IL1R1: variants seen among roughly 807,000 people sequenced by gnomAD.
IL1R1 encodes interleukin-1 receptor type 1.
IL1R1 carries 22 observed loss-of-function variants against 50.2 expected under a neutral mutation model. The observed-to-expected ratio is 0.44, with a 90% CI of 0.31 to 0.63. The LOEUF is 0.63. Among genes scored for constraint, IL1R1 ranks in the 20% least tolerant of loss-of-function variants. The pLI, the probability that IL1R1 is intolerant of heterozygous loss-of-function variation, is 0.07. For missense variants in IL1R1, 509 were observed against 676.2 expected (o/e 0.75, Z 2.74); for synonymous variants, 251 against 236.7 (o/e 1.06, Z -0.55).
chr2:102,101,446 G>A (rs113148344), upstream of IL1R1, among the ~76,000 whole-genome samples: 40 of 152,274 alleles, frequency 2.6e-4, no homozygotes, highest in African/African-American at 9.6e-4. Flanking sequence ...AGCATGTTGA[G>A]GGGGAGCCAA....
At chr2:102,099,580 C>T (rs552727668), upstream of IL1R1, among the ~76,000 whole-genome samples, 12 of 152,190 alleles carry the variant, frequency 7.9e-5, no homozygotes, top group East Asian at 1.5e-3. Flanking sequence ...TGGTCTTCTT[C>T]GGCCATGAAC....
chr2:102,078,835 A>T (rs1679089475), intron 1 of IL1R1, among the ~76,000 whole-genome samples: 1 of 152,162 alleles, frequency 6.6e-6, no homozygotes, highest in African/African-American at 2.4e-5. Flanking sequence ...CAGACATACA[A>T]ATCCTCAGCA....
intron 1 of IL1R1, among the ~76,000 whole-genome samples, chr2:102,131,327 A>G (rs1331627858): frequency 3.9e-5 from 6 of 152,220 alleles, no homozygotes; most frequent in Admixed American, 6.5e-5. Flanking sequence ...AAAATCCACA[A>G]TGTTTGGCAT....
At chr2:102,138,911 G>A (rs1309147893), upstream of IL1R1, among the ~76,000 whole-genome samples, 16 of 152,112 alleles carry the variant, frequency 1.1e-4, no homozygotes, top group Non-Finnish European at 4.4e-5. Context: ...CTAGACTTAG[G>A]AATTCTCATT....
chr2:102,116,923 A>G (rs1344483164), intron 1 of IL1R1, among the ~76,000 whole-genome samples: 1 of 152,176 alleles, frequency 6.6e-6, no homozygotes, highest in Admixed American at 6.5e-5. Context: ...ATGTTCATTC[A>G]TTATTCCATT....
rs965790128 is a variant in IL1R1, at chr2:102,150,349, A to G, written c.-83-3592A>G. On this transcript the variant is annotated intron_variant, in intron 1 of 11. Coordinates refer to ENST00000410023, the MANE Select transcript of IL1R1 (RefSeq NM_000877.4). ...GAAGGTGCTGTTGGATGAGGTCAGT[A>G]TTTCCTGGAAGGGGGGCTTCTGTTG... 3.3e-5 allele frequency among the ~76,000 whole-genome samples: 5 copies of G among 151,918 alleles called. No individual in the cohort carries two copies. In the South Asian group the frequency reaches 1.0e-3, roughly 32 times the overall value.
intron 11 of IL1R1, 114 bp downstream of exon 11, chr2:102,175,759 AG>A (rs1686078082): frequency 1.1e-6 from 1 of 922,800 alleles, no homozygotes; most frequent in African/African-American, 1.6e-5. Flanking sequence ...CACAATTTTA[AG>A]AACCTCTTCA....
chr2:102,108,230 G>GTA (rs1401164427), intron 1 of IL1R1, among the ~76,000 whole-genome samples: 29 of 91,906 alleles, frequency 3.2e-4, no homozygotes, highest in African/African-American at 1.1e-3. Context: ...GTGTATGTAT[G>GTA]TGTGTGTGTG....
intron 1 of IL1R1, among the ~76,000 whole-genome samples, chr2:102,131,586 A>G (rs1006691969): frequency 6.6e-6 from 1 of 152,132 alleles, no homozygotes; most frequent in Non-Finnish European, 1.5e-5. Context: ...TGAGATTAAT[A>G]GCAGATTAGA....
chr2:102,082,409 T>C (rs1257253687), intron 1 of IL1R1, among the ~76,000 whole-genome samples: 1 of 152,224 alleles, frequency 6.6e-6, no homozygotes, highest in Non-Finnish European at 1.5e-5. Flanking sequence ...CAAGGATGTA[T>C]AGTGCATCTT....
intron 1 of IL1R1, among the ~76,000 whole-genome samples, chr2:102,105,699 G>C (rs1680369025): frequency 6.6e-6 from 1 of 152,078 alleles, no homozygotes; most frequent in South Asian, 2.1e-4. Flanking sequence ...GCCTCTATTG[G>C]TTTCATTTAA....
intron 2 of IL1R1, among the ~76,000 whole-genome samples, chr2:102,155,312 G>A (rs1384033867): frequency 5.9e-5 from 9 of 152,332 alleles, no homozygotes; most frequent in Non-Finnish European, 8.8e-5. Flanking sequence ...TGCATTGCTT[G>A]TCAAAAGGGG....
At chr2:102,175,418 ACTTTATCAAATC>A (rs1357162521) in intron 10 of IL1R1, 48 bp from the exon 11 acceptor site, 2 of 1,306,496 alleles carry the variant, frequency 1.5e-6, no homozygotes, top group African/African-American at 2.9e-5. Flanking sequence ...TGTGATACTG[ACTTTATCAAATC>A]TCTTATTTTT....
At chr2:102,145,874 T>A (rs1336276844) in intron 1 of IL1R1, among the ~76,000 whole-genome samples, 2 of 152,160 alleles carry the variant, frequency 1.3e-5, no homozygotes, top group African/African-American at 4.8e-5. Flanking sequence ...GTAGCCAAGG[T>A]TGACAACATA....
At chr2:102,108,237 TGTG>T (rs1325163545) in intron 1 of IL1R1, among the ~76,000 whole-genome samples, 14 of 96,096 alleles carry the variant, frequency 1.5e-4, no homozygotes, top group Non-Finnish European at 2.5e-4. Flanking sequence ...TATGTGTGTG[TGTG>T]TGGGGGGGGG....
intron 1 of IL1R1, among the ~76,000 whole-genome samples, chr2:102,105,586 G>A (rs751192174): frequency 2.0e-5 from 3 of 152,188 alleles, no homozygotes; most frequent in Admixed American, 1.3e-4. Context: ...GGATGGTCTC[G>A]ATCTCCTGAC....
At chr2:102,113,457 A>C (rs1212994094) in intron 1 of IL1R1, among the ~76,000 whole-genome samples, 1 of 152,254 alleles carries the variant, frequency 6.6e-6, no homozygotes, top group Non-Finnish European at 1.5e-5. Context: ...CATGTATACC[A>C]ATAACATATT....
At chr2:102,108,943 C>T (rs916199766) in intron 1 of IL1R1, among the ~76,000 whole-genome samples, 2 of 123,058 alleles carry the variant, frequency 1.6e-5, no homozygotes, top group African/African-American at 6.9e-5. Flanking sequence ...GAACTTGGTA[C>T]TGAATAATAA....
chr2:102,132,017 G>C (rs1317635314), intron 1 of IL1R1, among the ~76,000 whole-genome samples: 1 of 151,974 alleles, frequency 6.6e-6, no homozygotes, highest in Non-Finnish European at 1.5e-5. Context: ...AACAATGCAA[G>C]CTAGAAGAGT....
Sources: allele counts gnomAD v4.1 joint callset (sites outside exome capture counted in the v4.1 genomes callset), GRCh38; gene constraint gnomAD v4.1.1; transcripts MANE v1.5; gene names NCBI Gene and HGNC (gene_info 2026-07-23, HGNC 2026-07-21).